The following ARL6IP6 variants were observed in gnomAD, a reference collection of about 807,000 sequenced individuals.
The protein encoded by ARL6IP6 is ADP-ribosylation factor-like protein 6-interacting protein 6.
Under a neutral mutation model 21.5 loss-of-function variants are expected in ARL6IP6, and 22 were observed. The ratio of observed to expected loss-of-function variants is 1.02; its 90% confidence interval spans 0.73 to 1.46. ARL6IP6 has a LOEUF of 1.46. ARL6IP6 is among the 40% of genes most tolerant of loss of function. The pLI, the probability that ARL6IP6 is intolerant of heterozygous loss-of-function variation, is 0.00. For synonymous variants in ARL6IP6, 164 were observed against 125.3 expected (o/e 1.31, Z -2.06); for missense variants, 388 against 299.8 (o/e 1.29, Z -2.17).
At chr2:152,726,141 G>A (rs1255999021) in intron 2 of ARL6IP6, among the ~76,000 whole-genome samples, 2 of 148,084 alleles carry the variant, frequency 1.4e-5, no homozygotes, top group East Asian at 3.9e-4. Context: ...TAATAAAAGT[G>A]TTGGGTTTTT....
chr2:152,730,351 A>G (rs890042158), intron 2 of ARL6IP6, among the ~76,000 whole-genome samples: 2 of 152,160 alleles, frequency 1.3e-5, no homozygotes, highest in Non-Finnish European at 2.9e-5. Flanking sequence ...TCATCGTTCT[A>G]TAGCAGTCCC....
intron 3 of ARL6IP6, among the ~76,000 whole-genome samples, chr2:152,755,323 G>C (rs1701532250): frequency 6.6e-6 from 1 of 152,084 alleles, no homozygotes; most frequent in African/African-American, 2.4e-5. Flanking sequence ...CCCCGGGGGA[G>C]TTTAGGGAAG....
intron 3 of ARL6IP6, among the ~76,000 whole-genome samples, chr2:152,739,395 G>A (rs944697702): frequency 7.9e-5 from 12 of 152,204 alleles, no homozygotes; most frequent in Admixed American, 3.3e-4. Context: ...AAGTTCCACA[G>A]ATCTCTAGAG....
intron 3 of ARL6IP6, among the ~76,000 whole-genome samples, chr2:152,751,234 A>T (rs751301373): frequency 6.6e-6 from 1 of 152,176 alleles, no homozygotes; most frequent in Non-Finnish European, 1.5e-5. Context: ...CATAATAATC[A>T]TATTCATTAG....
At chr2:152,717,653 C>T (rs1193234559), upstream of ARL6IP6, 15 of 1,413,290 alleles carry the variant, frequency 1.1e-5, no homozygotes, top group East Asian at 2.0e-4. Flanking sequence ...AGGAGGAGGA[C>T]GGAGGAAGTT....
At chr2:152,718,529 G>T, upstream of ARL6IP6, 1 of 1,474,948 alleles carries the variant, frequency 6.8e-7, no homozygotes, top group East Asian at 2.4e-5. Flanking sequence ...CTGAGGCCTG[G>T]TGGTAGCGGC....
At chr2:152,741,063 G>A (rs572405707) in intron 3 of ARL6IP6, among the ~76,000 whole-genome samples, 46 of 152,026 alleles carry the variant, frequency 3.0e-4, no homozygotes, top group African/African-American at 1.1e-3. Context: ...ATCAATATGC[G>A]ACATCATACT....
chr2:152,758,865 C>T (rs549352814), intron 3 of ARL6IP6, among the ~76,000 whole-genome samples: 6 of 152,046 alleles, frequency 3.9e-5, no homozygotes, highest in Admixed American at 6.6e-5. Context: ...TATTTATGAC[C>T]GTCTCAGTCC....
intron 2 of ARL6IP6, among the ~76,000 whole-genome samples, chr2:152,729,703 G>GAA (rs1386688098): frequency 3.3e-5 from 5 of 152,070 alleles, no homozygotes; most frequent in Non-Finnish European, 7.4e-5. Flanking sequence ...AAGCTGAGAA[G>GAA]ATATATATAC....
intron 3 of ARL6IP6, among the ~76,000 whole-genome samples, chr2:152,759,125 G>A (rs758933216): frequency 1.4e-4 from 22 of 152,086 alleles, no homozygotes; most frequent in Middle Eastern, 3.6e-3. Flanking sequence ...CAAATGTCAG[G>A]GAATATTCAT....
chr2:152,736,741 A>G (rs1700570681), intron 3 of ARL6IP6, among the ~76,000 whole-genome samples: 1 of 152,222 alleles, frequency 6.6e-6, no homozygotes, highest in Admixed American at 6.5e-5. Flanking sequence ...AAAAAATTAC[A>G]ATACAACAAT....
chr2:152,758,526 C>T (rs1263030615), intron 3 of ARL6IP6, among the ~76,000 whole-genome samples: 2 of 151,966 alleles, frequency 1.3e-5, no homozygotes, highest in Admixed American at 6.6e-5. Context: ...ACCTATTTTA[C>T]GATGTAGATA....
intron 3 of ARL6IP6, among the ~76,000 whole-genome samples, chr2:152,736,993 T>G (rs1264555185): frequency 6.6e-6 from 1 of 152,148 alleles, no homozygotes; most frequent in Non-Finnish European, 1.5e-5. Flanking sequence ...TGTCTTTCCA[T>G]TAACAAAAAG....
At chr2:152,736,532 AC>A (rs1289499931) in intron 3 of ARL6IP6, among the ~76,000 whole-genome samples, 1 of 152,144 alleles carries the variant, frequency 6.6e-6, no homozygotes, top group African/African-American at 2.4e-5. Context: ...GTCCTTCCTG[AC>A]TTTTTAAATG....
At chr2:152,751,193 C>T (rs1028477619) in intron 3 of ARL6IP6, among the ~76,000 whole-genome samples, 1 of 140,604 alleles carries the variant, frequency 7.1e-6, no homozygotes, top group Non-Finnish European at 1.6e-5. Context: ...AAGTTTCCCA[C>T]GTTTGACTTT....
At chr2:152,719,070 C>T (rs1435311894) in intron 1 of ARL6IP6, 46 bp downstream of exon 1, 1 of 1,469,180 alleles carries the variant, frequency 6.8e-7, no homozygotes, top group Non-Finnish European at 9.0e-7. Context: ...TAAAGTTGAG[C>T]CAGGGTGTGG....
chr2:152,720,966 T>C (rs1306744738), intron 2 of ARL6IP6, among the ~76,000 whole-genome samples: 1 of 152,164 alleles, frequency 6.6e-6, no homozygotes, highest in Non-Finnish European at 1.5e-5. Context: ...GTTTCACTCA[T>C]GTTTGTAGTC....
chr2:152,744,544 A>G (rs755671063), intron 3 of ARL6IP6, among the ~76,000 whole-genome samples: 1 of 152,156 alleles, frequency 6.6e-6, no homozygotes, highest in African/African-American at 2.4e-5. Context: ...ATGCCAAGGT[A>G]AAGAGTGGTG....
chr2:152,731,759 A>G (rs1184517109), intron 2 of ARL6IP6, among the ~76,000 whole-genome samples: 1 of 152,190 alleles, frequency 6.6e-6, no homozygotes, highest in Non-Finnish European at 1.5e-5. Context: ...CAGAGAACCA[A>G]TGTTAAATTC....
Sources: allele counts gnomAD v4.1 joint callset (sites outside exome capture counted in the v4.1 genomes callset), GRCh38; gene constraint gnomAD v4.1.1; transcripts MANE v1.5; gene names NCBI Gene and HGNC (gene_info 2026-07-23, HGNC 2026-07-21).